DENND5B: variants seen among roughly 807,000 people sequenced by gnomAD.
The protein encoded by DENND5B is DENN domain containing 5B, also known as DENN domain-containing protein 5B.
Under a neutral mutation model 140.6 loss-of-function variants are expected in DENND5B, and 34 were observed. The ratio of observed to expected loss-of-function variants is 0.24; its 90% CI spans 0.18 to 0.32. The LOEUF (loss-of-function observed/expected upper bound fraction) is 0.32, where lower values mean the gene tolerates loss of function less well. Ranked by LOEUF, DENND5B falls within the 10% of genes least tolerant of loss-of-function variation. The probability of loss-of-function intolerance (pLI) is 1.00; values close to 1 mark genes in which losing one functional copy is unlikely to be tolerated. For missense variants in DENND5B, 1,142 were observed against 1,560.2 expected, an observed-to-expected ratio of 0.73 and a Z score of 4.52; for synonymous variants, 551 against 562.1, an observed-to-expected ratio of 0.98 and a Z score of 0.28.
At chr12:31,415,159 T>C (rs1033458718) in intron 12 of DENND5B, among the ~76,000 whole-genome samples, 1 of 152,162 alleles carries the variant, frequency 6.6e-6, no homozygotes, top group African/African-American at 2.4e-5. Context: ...TTTAAAACTC[T>C]TCTCAGCTGC....
At chr12:31,499,065 T>C (rs534246439) in intron 1 of DENND5B, among the ~76,000 whole-genome samples, 7 of 152,084 alleles carry the variant, frequency 4.6e-5, no homozygotes, top group African/African-American at 9.6e-5. Context: ...GTGATGACTT[T>C]TGGGGATGAG....
intron 1 of DENND5B, among the ~76,000 whole-genome samples, chr12:31,516,840 G>A (rs980349113): frequency 3.3e-5 from 5 of 152,142 alleles, no homozygotes; most frequent in Admixed American, 2.6e-4. Flanking sequence ...TTGGGAGACT[G>A]AAGTGGGAGG....
At chr12:31,455,439 G>A (rs879562787) in intron 4 of DENND5B, among the ~76,000 whole-genome samples, 1 of 152,096 alleles carries the variant, frequency 6.6e-6, no homozygotes, top group Non-Finnish European at 1.5e-5. Context: ...CTGGGGCTTT[G>A]ATTATCTCAA....
intron 4 of DENND5B, among the ~76,000 whole-genome samples, chr12:31,455,341 T>C (rs1454889996): frequency 1.3e-5 from 2 of 152,168 alleles, no homozygotes; most frequent in Admixed American, 1.3e-4. Flanking sequence ...CTGAGTGTAC[T>C]ACAAAGTAGG....
intron 14 of DENND5B, among the ~76,000 whole-genome samples, chr12:31,406,029 T>C (rs1336047394): frequency 1.4e-5 from 2 of 147,748 alleles, no homozygotes; most frequent in African/African-American, 2.5e-5. Flanking sequence ...GTACTTTTAG[T>C]AGAGACAGGG....
chr12:31,452,178 G>C lies in DENND5B; in HGVS notation c.1391C>G (p.Thr464Ser), dbSNP rs1049238530. ...IARLQALAKR[T>S]GVAVEKMDLS... ...GTCCATTTTTTCCACAGCCACACCA[G>C]TACGCTTGGCCAGAGCCTGCAAGCG... The change falls in exon 5 of 21, where the codon ACT becomes AGT. Residue 464 changes from threonine to serine, a missense_variant. Physicochemically the swap from Thr to Ser is moderately conservative, Grantham distance 58. Around this residue, in one of 5 missense-constraint regions of DENND5B, gnomAD observed 708 missense variants for 905.5 expected, o/e 0.78. Coordinates refer to ENST00000389082, the MANE Select transcript of DENND5B (RefSeq NM_144973.4). 4 of 1,613,944 alleles carry C rather than the reference G, an allele frequency of 2.5e-6. No individual in the cohort carries two copies. The highest frequency in any genetic ancestry group is 3.4e-6 in the Non-Finnish European group (4 of 1,179,888).
intron 12 of DENND5B, 28 bp downstream of exon 12, chr12:31,415,339 T>C: frequency 6.4e-7 from 1 of 1,554,552 alleles, no homozygotes. Flanking sequence ...TATCACCACA[T>C]GCTAACACAT....
intron 12 of DENND5B, among the ~76,000 whole-genome samples, chr12:31,415,054 G>T (rs112494342): frequency 0.022 from 3,281 of 152,100 alleles, 115 homozygotes; most frequent in African/African-American, 0.076. Flanking sequence ...AGTTGAGGCT[G>T]CAGGGAGTGG....
chr12:31,420,075 T>C (rs948363923), intron 11 of DENND5B: 14 of 984,734 alleles, frequency 1.4e-5, no homozygotes, highest in Middle Eastern at 5.2e-4. Flanking sequence ...TCCAGTTTAG[T>C]AGAACCTTGT....
At chr12:31,488,630 T>G (rs576489557) in intron 2 of DENND5B, among the ~76,000 whole-genome samples, 15 of 152,310 alleles carry the variant, frequency 9.8e-5, no homozygotes, top group Admixed American at 3.3e-4. Context: ...AATGCTATTA[T>G]TTTTCCATTT....
At chr12:31,442,023 T>C (rs1003137904) in intron 7 of DENND5B, among the ~76,000 whole-genome samples, 21 of 152,314 alleles carry the variant, frequency 1.4e-4, no homozygotes, top group African/African-American at 4.6e-4. Flanking sequence ...CTTTTCTAAA[T>C]ATTTAAAAGG....
intron 8 of DENND5B, chr12:31,431,966 CAT>C (rs2137824630): frequency 1.4e-6 from 1 of 714,800 alleles, no homozygotes; most frequent in African/African-American, 1.9e-5. Flanking sequence ...TGCACTCACA[CAT>C]GTGTAACATT....
At chr12:31,403,448 C>T (rs1043907521) in intron 14 of DENND5B, among the ~76,000 whole-genome samples, 7 of 151,290 alleles carry the variant, frequency 4.6e-5, no homozygotes, top group African/African-American at 1.7e-4. Flanking sequence ...CAAAAATTAG[C>T]CGGGTGTGGT....
chr12:31,446,623 G>A (rs2682674), intron 6 of DENND5B, among the ~76,000 whole-genome samples: 48,470 of 152,024 alleles, frequency 0.32, 8,814 homozygotes, highest in Non-Finnish European at 0.43. Context: ...AAGGCCGGGC[G>A]CAGTGGCTCA....
At chr12:31,445,886 A>G (rs976389414) in intron 6 of DENND5B, among the ~76,000 whole-genome samples, 19 of 149,734 alleles carry the variant, frequency 1.3e-4, no homozygotes, top group African/African-American at 3.2e-4. Flanking sequence ...GCACATGCCT[A>G]TAGTACCAGT....
chr12:31,459,632 A>G (rs938573991), intron 4 of DENND5B, among the ~76,000 whole-genome samples: 7 of 152,168 alleles, frequency 4.6e-5, no homozygotes, highest in African/African-American at 1.7e-4. Flanking sequence ...CACAGAAAGT[A>G]TAACTTTAAG....
rs369420310 is a variant in DENND5B, at chr12:31,398,335, T to C, written c.3096A>G (p.Lys1032=). Residue 1032 remains lysine, a synonymous_variant, in exon 17 of 21, where the codon AAA becomes AAG. Transcript: ENST00000389082. ...TCTCCAGGCTCCCATCATCAATGCC[T>C]TTCCCCAGCCACCGCCCACATGGGA... The part of the protein sequence containing the change: ...YRFPCGRWLG[K]GIDDGSLERI... 4,614 of 1,550,408 alleles carry C rather than the reference T, an allele frequency of 3.0e-3. 13 individuals carry two copies. The highest frequency in any genetic ancestry group is 3.4e-3 in the Non-Finnish European group (3,886 of 1,146,846).
chr12:31,391,413 CTATT>C (rs1941135987), intron 19 of DENND5B, among the ~76,000 whole-genome samples: 2 of 152,188 alleles, frequency 1.3e-5, no homozygotes, highest in Non-Finnish European at 2.9e-5. Context: ...TTATACTGCT[CTATT>C]TCTTTCCAGA....
intron 1 of DENND5B, among the ~76,000 whole-genome samples, chr12:31,513,832 G>C (rs933610145): frequency 7.8e-6 from 1 of 128,612 alleles, no homozygotes. Flanking sequence ...AAGTCCCTCA[G>C]ATAACATTTT....
Sources: gnomAD v4.1 joint callset for allele counts (sites outside exome capture counted in the v4.1 genomes callset) on GRCh38, gnomAD v4.1.1 for gene constraint, gnomAD v4.1.1 regional missense constraint, MANE v1.5 for transcripts, NCBI Gene and HGNC (gene_info 2026-07-23, HGNC 2026-07-21) for gene names.